The following EDIL3 variants were observed in gnomAD, a reference collection of about 807,000 sequenced individuals.
EDIL3 encodes EGF-like repeat and discoidin I-like domain-containing protein 3.
In EDIL3, 37 loss-of-function variants were observed where a neutral mutation model predicts 67.4. The ratio of observed to expected loss-of-function variants is 0.55; its 90% CI spans 0.42 to 0.72. The LOEUF is 0.72. Ranked by LOEUF, EDIL3 falls within the 30% of genes least tolerant of loss-of-function variation. The pLI, the probability that EDIL3 is intolerant of heterozygous loss-of-function variation, is 0.00. For missense variants in EDIL3, 527 were observed against 586.3 expected (o/e 0.90, Z 1.04); for synonymous variants, 195 against 196.3 (o/e 0.99, Z 0.05).
Position 84,106,847 on chromosome 5 carries a change from GA to G in EDIL3, c.470-18del, listed in dbSNP as rs761622695. 12 of 1,579,954 alleles carry G rather than the reference GA, an allele frequency of 7.6e-6. No homozygotes were observed. The highest frequency in any genetic ancestry group is 3.9e-5 in the Admixed American group (2 of 51,686). On this transcript the variant is annotated intron_variant, in intron 5 of 10. Coordinates refer to ENST00000296591, the MANE Select transcript of EDIL3 (RefSeq NM_005711.5). ...CTGAGCATTCTGGAAACAAAAACAG[GA>G]AAAAATATGAATGTATTAGAAACAA...
intron 1 of EDIL3, among the ~76,000 whole-genome samples, chr5:84,359,798 T>C (rs1044152605): frequency 6.6e-6 from 1 of 152,160 alleles, no homozygotes; most frequent in Non-Finnish European, 1.5e-5. Flanking sequence ...GAATAGGAAC[T>C]GCAGCACAGT....
At chr5:84,165,105 T>C (rs1370029276) in intron 4 of EDIL3, among the ~76,000 whole-genome samples, 2 of 152,230 alleles carry the variant, frequency 1.3e-5, no homozygotes, top group Admixed American at 1.3e-4. Flanking sequence ...GGTCAGATTT[T>C]TGGCAAGAGA....
chr5:84,352,105 A>C (rs117093562), intron 1 of EDIL3, among the ~76,000 whole-genome samples: 1 of 152,192 alleles, frequency 6.6e-6, no homozygotes, highest in Admixed American at 6.5e-5. Flanking sequence ...CACATCAGTC[A>C]GCATGACTTC....
At chr5:84,025,413 C>T (rs1745793768) in intron 9 of EDIL3, among the ~76,000 whole-genome samples, 1 of 152,120 alleles carries the variant, frequency 6.6e-6, no homozygotes, top group African/African-American at 2.4e-5. Context: ...TCCCATCACC[C>T]CCAGATAAAA....
At position 84,356,889 on chromosome 5, in the gene EDIL3, C is replaced by CTTTTTT. The variant is rs1189590387; in HGVS notation, c.67+27413_67+27418dup. ...GACCTTGAGAAAACAATCTTTCTTT[C>CTTTTTT]TTTTTTTTTTTTTTTTTTTTTTTTT... On this transcript the variant is annotated intron_variant, in intron 1 of 10. Coordinates refer to ENST00000296591, the MANE Select transcript of EDIL3 (RefSeq NM_005711.5). Among the ~76,000 whole-genome samples the CTTTTTT allele has an allele frequency of 6.9e-3, 223 of 32,096 alleles. 9 individuals are homozygous for CTTTTTT. The highest frequency in any genetic ancestry group is 9.3e-3 in the Non-Finnish European group (145 of 15,588). 21.1% of individuals were successfully genotyped at this position (32,096 alleles called of 152,430 possible). A position where few individuals can be genotyped will look rare whatever the true frequency, so the allele number is the denominator to read the frequency against.
intron 3 of EDIL3, among the ~76,000 whole-genome samples, chr5:84,201,956 TA>T (rs1743850214): frequency 6.6e-6 from 1 of 151,990 alleles, no homozygotes; most frequent in East Asian, 1.9e-4. Context: ...AGAATTAAAA[TA>T]AAAAATTGTG....
chr5:84,312,236 GC>G (rs1274369014), intron 1 of EDIL3, among the ~76,000 whole-genome samples: 1 of 146,266 alleles, frequency 6.8e-6, no homozygotes, highest in Non-Finnish European at 1.5e-5. Context: ...CGGGTGGGGG[GC>G]TGACCCCCCC....
intron 2 of EDIL3, among the ~76,000 whole-genome samples, chr5:84,235,610 C>G (rs1744666122): frequency 6.6e-6 from 1 of 151,990 alleles, no homozygotes; most frequent in African/African-American, 2.4e-5. Flanking sequence ...GTTTTCAAAA[C>G]AGTGTCTGGA....
intron 4 of EDIL3, among the ~76,000 whole-genome samples, chr5:84,165,256 T>C (rs945125945): frequency 2.6e-5 from 4 of 152,100 alleles, no homozygotes; most frequent in Non-Finnish European, 4.4e-5. Context: ...GATCCTCACA[T>C]TGAATTGTTC....
chr5:84,259,946 C>A (rs1034264508), intron 1 of EDIL3, among the ~76,000 whole-genome samples: 2 of 152,112 alleles, frequency 1.3e-5, no homozygotes, highest in African/African-American at 4.8e-5. Context: ...TATAATTATA[C>A]AACTTCTCAT....
In EDIL3 at chr5:84,155,937, T is replaced by G. The variant is rs529004821; in HGVS notation, c.356-18583A>C. Among the ~76,000 whole-genome samples the G allele has an allele frequency of 1.3e-4, 20 of 152,312 alleles. No homozygotes were observed. The South Asian group carries it at 1.4e-3, about 11-fold the overall frequency. ...CTACTTACACGAATGAAAGACTAGA[T>G]TGACTTGTATACTTAACTGTATACA... On this transcript the variant is annotated intron_variant, in intron 4 of 10. Transcript: ENST00000296591.
intron 6 of EDIL3, among the ~76,000 whole-genome samples, chr5:84,089,226 G>A (rs1186705505): frequency 6.6e-6 from 1 of 152,148 alleles, no homozygotes; most frequent in Admixed American, 6.5e-5. Flanking sequence ...ACATGGCAGT[G>A]GTGTCCATTT....
intron 3 of EDIL3, among the ~76,000 whole-genome samples, chr5:84,217,700 CATCT>C (rs566371033): frequency 6.3e-5 from 9 of 142,074 alleles, no homozygotes; most frequent in Non-Finnish European, 1.2e-4. Flanking sequence ...TCTACTTACC[CATCT>C]ATCTATTATA....
intron 1 of EDIL3, among the ~76,000 whole-genome samples, chr5:84,356,682 C>T (rs1050661922): frequency 6.6e-6 from 1 of 152,048 alleles, no homozygotes; most frequent in African/African-American, 2.4e-5. Flanking sequence ...AGAACAGGTT[C>T]GGGGAAGGAC....
chr5:84,078,008 C>A (rs1358633690), intron 6 of EDIL3, among the ~76,000 whole-genome samples: 1 of 152,018 alleles, frequency 6.6e-6, no homozygotes, highest in Non-Finnish European at 1.5e-5. Flanking sequence ...AATTTACAGC[C>A]AACAGAATGG....
intron 9 of EDIL3, among the ~76,000 whole-genome samples, chr5:83,972,956 G>T (rs183415692): frequency 1.3e-5 from 2 of 152,042 alleles, no homozygotes; most frequent in East Asian, 3.9e-4. Flanking sequence ...AACTAAAATT[G>T]ACATCAAGTT....
intron 9 of EDIL3, among the ~76,000 whole-genome samples, chr5:84,020,636 C>T (rs1580283020): frequency 6.6e-6 from 1 of 151,992 alleles, no homozygotes; most frequent in African/African-American, 2.4e-5. Context: ...CACACACATA[C>T]ACACTTTGGT....
At chr5:84,064,920 C>G (rs1746609491) in intron 7 of EDIL3, 76 bp from the exon 8 acceptor site, 4 of 1,444,748 alleles carry the variant, frequency 2.8e-6, no homozygotes, top group Non-Finnish European at 3.7e-6. Context: ...CTATCTATAC[C>G]TTATCGAAAA....
At chr5:84,199,109 C>G (rs112898493) in intron 3 of EDIL3, among the ~76,000 whole-genome samples, 1,587 of 152,046 alleles carry the variant, frequency 0.01, 33 homozygotes, top group African/African-American at 0.036. Context: ...AAGAAATGTA[C>G]AGCCAAATCC....
Sources: gnomAD v4.1 joint callset for allele counts (sites outside exome capture counted in the v4.1 genomes callset) on GRCh38, gnomAD v4.1.1 for gene constraint, MANE v1.5 for transcripts, NCBI Gene and HGNC (gene_info 2026-07-23, HGNC 2026-07-21) for gene names.